The following SCIN variants were observed in gnomAD, a reference collection of about 807,000 sequenced individuals.
The protein encoded by SCIN is adseverin.
A neutral mutation model predicts 91.8 loss-of-function variants in SCIN; 91 were observed. That is an observed-to-expected ratio of 0.99 (90% CI 0.84 to 1.18). SCIN has a LOEUF of 1.18. Ranked by LOEUF, SCIN falls within the 50% of genes most tolerant of loss-of-function variation. The probability of loss-of-function intolerance (pLI) is 0.00; values close to 1 mark genes in which losing one functional copy is unlikely to be tolerated. For synonymous variants in SCIN, 367 were observed against 312.6 expected (o/e 1.17, Z -1.84); for missense variants, 1,087 against 863.9 (o/e 1.26, Z -3.24).
intron 4 of SCIN, among the ~76,000 whole-genome samples, chr7:12,621,428 T>A (rs1386366214): frequency 2.0e-5 from 3 of 152,038 alleles, no homozygotes; most frequent in Non-Finnish European, 4.4e-5. Flanking sequence ...AGAGTTAGAG[T>A]GTGCCTCAAA....
intron 7 of SCIN, 90 bp from the exon 8 acceptor site, chr7:12,626,494 A>T: frequency 9.6e-7 from 1 of 1,036,946 alleles, no homozygotes; most frequent in Non-Finnish European, 1.4e-6. Context: ...ATAATTTTCC[A>T]TTTCCTTACT....
chr7:12,581,976 A>T (rs974168921), intron 3 of SCIN, among the ~76,000 whole-genome samples: 7 of 152,248 alleles, frequency 4.6e-5, no homozygotes, highest in Non-Finnish European at 8.8e-5. Flanking sequence ...GCAAGAAAGC[A>T]CAGAACTTAT....
intron 3 of SCIN, among the ~76,000 whole-genome samples, chr7:12,601,345 C>T (rs1472484592): frequency 1.3e-5 from 2 of 152,154 alleles, no homozygotes; most frequent in Non-Finnish European, 2.9e-5. Flanking sequence ...GAAATTTAAT[C>T]AGAGAAGAAT....
At chr7:12,572,939 G>A (rs1461787287) in intron 1 of SCIN, among the ~76,000 whole-genome samples, 1 of 152,062 alleles carries the variant, frequency 6.6e-6, no homozygotes, top group Non-Finnish European at 1.5e-5. Flanking sequence ...ATATAACACA[G>A]GTAGAATGTG....
chr7:12,607,972 A>C (rs1783112602), intron 4 of SCIN, among the ~76,000 whole-genome samples: 1 of 152,180 alleles, frequency 6.6e-6, no homozygotes, highest in Non-Finnish European at 1.5e-5. Flanking sequence ...CAATTGTGAA[A>C]GTAATAAGCA....
intron 3 of SCIN, among the ~76,000 whole-genome samples, chr7:12,587,396 C>G (rs1159849706): frequency 2.0e-5 from 3 of 152,216 alleles, no homozygotes; most frequent in African/African-American, 7.2e-5. Flanking sequence ...TTGTACTCAT[C>G]AGTCCTCACT....
intron 5 of SCIN, among the ~76,000 whole-genome samples, chr7:12,623,778 T>C (rs1783458475): frequency 6.6e-6 from 1 of 152,202 alleles, no homozygotes; most frequent in Non-Finnish European, 1.5e-5. Flanking sequence ...ACCAAATTAA[T>C]AACTTGTTTA....
chr7:12,635,411 A>G (rs1378907901), intron 9 of SCIN, among the ~76,000 whole-genome samples: 9 of 151,250 alleles, frequency 6.0e-5, no homozygotes, highest in Admixed American at 5.9e-4. Context: ...GGAGTTTGAA[A>G]CCAGCCTGGC....
chr7:12,646,087 A>G (rs907263559), intron 13 of SCIN, among the ~76,000 whole-genome samples: 40 of 152,364 alleles, frequency 2.6e-4, no homozygotes, highest in African/African-American at 9.1e-4. Context: ...AAAGCTATAT[A>G]TGCAGTTACA....
At chr7:12,571,229 G>A in intron 1 of SCIN, 1 of 549,188 alleles carries the variant, frequency 1.8e-6, no homozygotes, top group Non-Finnish European at 3.2e-6. Flanking sequence ...ACCTTTGCCA[G>A]GTGTAGTTCC....
chr7:12,582,309 G>T lies in SCIN; in HGVS notation c.516+1088G>T, dbSNP rs568135672. Among the ~76,000 whole-genome samples, 10 of 152,234 alleles carry T rather than the reference G, an allele frequency of 6.6e-5. No homozygotes were observed. In the South Asian group the frequency reaches 2.1e-3, roughly 32 times the overall value. On this transcript the variant is annotated intron_variant, in intron 3 of 15. Coordinates refer to ENST00000297029, the MANE Select transcript of SCIN (RefSeq NM_001112706.3). ...GCTTATTCCATCTGCATAGAGGAGG[G>T]CACAAAAGATTCTGAAAATAGAGTT...
At chr7:12,616,321 C>T (rs1350160523) in intron 4 of SCIN, among the ~76,000 whole-genome samples, 1 of 151,976 alleles carries the variant, frequency 6.6e-6, no homozygotes, top group Non-Finnish European at 1.5e-5. Flanking sequence ...ATTATTATTG[C>T]AGAAATGGGT....
intron 11 of SCIN, among the ~76,000 whole-genome samples, chr7:12,643,687 C>T (rs1001643884): frequency 5.9e-5 from 9 of 152,198 alleles, no homozygotes; most frequent in African/African-American, 2.2e-4. Flanking sequence ...CCAAGCAGCA[C>T]CATTTGGCAC....
chr7:12,652,118 T>G lies in SCIN; in HGVS notation c.2020+217T>G, dbSNP rs543734660. Among the ~76,000 whole-genome samples, 103 of 152,244 alleles carry G rather than the reference T, an allele frequency of 6.8e-4. 1 individual carries two copies. Among genetic ancestry groups the G allele is most frequent in the Non-Finnish European group, 1.2e-3 (81 of 68,038 alleles). ...ATATGTTTTGTTATCTAATCTAGAA[T>G]AGAATTATATCAATTTAATCTGAAA... On this transcript the variant is annotated intron_variant, in intron 15 of 15. Coordinates refer to ENST00000297029, the MANE Select transcript of SCIN (RefSeq NM_001112706.3).
chr7:12,651,265 C>A lies in SCIN; in HGVS notation c.1960-576C>A, dbSNP rs1207922472. Among the ~76,000 whole-genome samples, 1 of 152,118 alleles carries A rather than the reference C, an allele frequency of 6.6e-6. No homozygotes were observed. Among genetic ancestry groups the A allele is most frequent in the Non-Finnish European group, 1.5e-5 (1 of 68,016 alleles). On this transcript the variant is annotated intron_variant, in intron 14 of 15. Coordinates refer to ENST00000297029, the MANE Select transcript of SCIN (RefSeq NM_001112706.3). This position sits in a 1 kb window ranked among gnomAD's most constrained non-coding sequence, Gnocchi z 5.9. ...CATAAAGTATAGATGGTAAATGTTT[C>A]TTTCAGACCTTTAAGAGTGTGATAC... is the stretch of plus-strand genomic sequence containing the variant.
At position 12,655,506 on chromosome 7, in the gene SCIN, A is replaced by G. The variant is rs112957267; in HGVS notation, c.*2791A>G. On this transcript the variant is annotated 3_prime_UTR_variant, in exon 16 of 16. Transcript: ENST00000297029. ...AAAATGACCAGTAAATAATGAAAAG[A>G]TGTTCTAAGACACTCTTAATTAAAT... 2.0e-5 allele frequency: 3 copies of G among 152,334 alleles called. No individual in the cohort carries two copies. Among genetic ancestry groups the G allele is most frequent in the African/African-American group, 7.2e-5 (3 of 41,582 alleles). 9.4% of individuals were successfully genotyped at this position (152,334 alleles called of 1,614,324 possible). A position where few individuals can be genotyped will look rare whatever the true frequency, so the allele number is the denominator to read the frequency against.
chr7:12,575,928 G>A (rs57083890), intron 1 of SCIN, among the ~76,000 whole-genome samples: 4,717 of 152,214 alleles, frequency 0.031, 190 homozygotes, highest in African/African-American at 0.096. Flanking sequence ...CAGGCATCCT[G>A]TTTTATTCAT....
At chr7:12,630,365 C>T (rs772831629) in intron 9 of SCIN, among the ~76,000 whole-genome samples, 11 of 152,216 alleles carry the variant, frequency 7.2e-5, no homozygotes, top group South Asian at 2.1e-4. Flanking sequence ...TTCATATGCA[C>T]TTTAATGATT....
rs780203454 is a variant in SCIN at position 12,644,685 on chromosome 7, A to G, written c.1861A>G (p.Asn621Asp). 1.2e-5 allele frequency: 19 copies of G among 1,572,076 alleles called. No individual in the cohort carries two copies. In the South Asian group the frequency reaches 2.1e-4, roughly 17 times the overall value. ...TCCACCTCGGCTTTACGGCTGCTCTAACAAAACTGGAAGATTTGTTGTAAG... is the reference window on the plus strand; with the variant it reads ...TCCACCTCGGCTTTACGGCTGCTCTGACAAAACTGGAAGATTTGTTGTAAG... Reference protein sequence around the residue: ...DHPPRLYGCSNKTGRFVIEEI... With the variant: ...DHPPRLYGCSDKTGRFVIEEI... Residue 621 changes from asparagine (N) to aspartate (D), a missense_variant, in exon 13 of 16, where the codon AAC becomes GAC. Asn to Asp is a conservative substitution (Grantham distance 23, BLOSUM62 1). Coordinates refer to ENST00000297029, the MANE Select transcript of SCIN (RefSeq NM_001112706.3).
Sources: allele counts gnomAD v4.1 joint callset (sites outside exome capture counted in the v4.1 genomes callset), GRCh38; gene constraint gnomAD v4.1.1; non-coding constraint Gnocchi (gnomAD v3.1); transcripts MANE v1.5; gene names NCBI Gene and HGNC (gene_info 2026-07-23, HGNC 2026-07-21).